The following MYO1C variants were observed in gnomAD, a reference collection of about 807,000 sequenced individuals.
MYO1C encodes myosin IC, also known as unconventional myosin-Ic.
A neutral mutation model predicts 150.8 loss-of-function variants in MYO1C; 104 were observed. The ratio of observed to expected loss-of-function variants is 0.69; its 90% confidence interval spans 0.59 to 0.81. The LOEUF is 0.81. Among genes scored for constraint, MYO1C ranks in the 30% least tolerant of loss-of-function variants. MYO1C has a pLI of 0.00. For synonymous variants in MYO1C, 663 were observed against 579.9 expected (o/e 1.14, Z -2.06); for missense variants, 1,504 against 1,435.0 (o/e 1.05, Z -0.78).
At chr17:1,490,469 T>A (rs2074716896) in intron 1 of MYO1C, among the ~76,000 whole-genome samples, 1 of 152,074 alleles carries the variant, frequency 6.6e-6, no homozygotes, top group Non-Finnish European at 1.5e-5. Flanking sequence ...CTGCATTCCA[T>A]CCTGGGCAAC....
chr17:1,481,138 GC>G (rs2074512015), intron 5 of MYO1C: 3 of 539,046 alleles, frequency 5.6e-6, no homozygotes, highest in Non-Finnish European at 1.0e-5. Flanking sequence ...AATTCAACAG[GC>G]CTGAAGCTCA....
chr17:1,467,571 C>A lies in MYO1C; in HGVS notation c.2974G>T (p.Val992Leu). 15 of 1,613,268 alleles carry A rather than the reference C, an allele frequency of 9.3e-6. No homozygotes were observed. The highest frequency in any genetic ancestry group is 1.3e-5 in the Non-Finnish European group (15 of 1,179,926). The part of the protein sequence containing the change: ...QRADNKQKGD[V>L]VLQSDHVIET... Reference sequence around the variant, plus strand: ...ATCACGTGGTCACTCTGCAGCACCACATCTCCCTGGGGGGCCAGGCAGGAG... The same window carrying A: ...ATCACGTGGTCACTCTGCAGCACCAAATCTCCCTGGGGGGCCAGGCAGGAG... Residue 992 changes from valine (V) to leucine (L), a missense_variant, in exon 30 of 32, where the codon GTG (valine) becomes TTG (leucine). Coordinates refer to ENST00000648651, the MANE Select transcript of MYO1C (RefSeq NM_001080779.2).
chr17:1,492,298 G>C, intron 1 of MYO1C, 115 bp downstream of exon 1: 1 of 1,043,054 alleles, frequency 9.6e-7, no homozygotes, highest in Non-Finnish European at 1.5e-6. Context: ...GCCCCGCCAA[G>C]GATCGGAACC....
At position 1,464,324 on chromosome 17, in the gene MYO1C, AAGG is replaced by A. The variant is rs2074129153; in HGVS notation, c.*1399_*1401del. Reference sequence around the variant, plus strand: ...GGGTAGGAGCAGGGAGAAGCAGCAGAAGGAGGTGATGCCCCTGCCGCTCCTCCC... The same window carrying A: ...GGGTAGGAGCAGGGAGAAGCAGCAGAAGGTGATGCCCCTGCCGCTCCTCCC... On this transcript the variant is annotated 3_prime_UTR_variant, in exon 32 of 32. Transcript: ENST00000648651. 1 of 152,572 alleles carries A rather than the reference AAGG, an allele frequency of 6.6e-6. No individual in the cohort carries two copies. The highest frequency in any genetic ancestry group is 2.4e-5 in the African/African-American group (1 of 41,450). The allele number at this position is 152,572 out of a possible 1,614,324, so 9.5% of individuals were successfully genotyped here.
At chr17:1,486,282 G>A (rs910871618) in intron 1 of MYO1C, 1 of 152,228 alleles carries the variant, frequency 6.6e-6, no homozygotes, top group Admixed American at 6.5e-5. Context: ...TCCGAGCCTC[G>A]AACCCAGGAA....
chr17:1,465,564 G>A lies in MYO1C; in HGVS notation c.*162C>T. The A allele has an allele frequency of 1.3e-6, 1 of 775,692 alleles. No homozygotes were observed. The highest frequency in any genetic ancestry group is 1.9e-6 in the Non-Finnish European group (1 of 538,862). The allele number at this position is 775,692 out of a possible 1,614,324, so 48.1% of individuals were successfully genotyped here. On this transcript the variant is annotated 3_prime_UTR_variant, in exon 32 of 32. Coordinates refer to ENST00000648651, the MANE Select transcript of MYO1C (RefSeq NM_001080779.2). ...ACTCCTGGGGTAGCTCCTGGCCCCT[G>A]CTGCTCCCTCAAGAGAGGGATGGGC...
Position 1,467,400 on chromosome 17 carries a change from G to T in MYO1C, c.3066-59C>A, listed in dbSNP as rs1007041269. The T allele has an allele frequency of 6.3e-6, 10 of 1,595,034 alleles. No individual in the cohort carries two copies. In the African/African-American group the frequency reaches 1.3e-4, roughly 21 times the overall value. ...GGAGGCAGACCCCCAACCCTAAGGT[G>T]GACCCCCACCCTGTCCCTGGGTGCC... is the stretch of plus-strand genomic sequence containing the variant. On this transcript the variant is annotated intron_variant, in intron 30 of 31. Coordinates refer to ENST00000648651, the MANE Select transcript of MYO1C (RefSeq NM_001080779.2).
In MYO1C at chr17:1,471,955, C is replaced by A. The variant is rs757375939; in HGVS notation, c.1973G>T (p.Arg658Leu). 2 of 1,614,104 alleles carry A rather than the reference C, an allele frequency of 1.2e-6. No homozygotes were observed. Among genetic ancestry groups the A allele is most frequent in the African/African-American group, 1.3e-5 (1 of 75,066 alleles). ...GCGGCGATAGGCAAAGCCGGCTCTG[C>A]GCACGCGCAGGTTTTCCAACAGCCC... ...YLGLLENLRVRRAGFAYRRKY... is the reference protein window; with the variant it reads ...YLGLLENLRVLRAGFAYRRKY... The change falls in exon 19 of 32, where the codon CGC (arginine) becomes CTC (leucine). Residue 658 changes from arginine to leucine, a missense_variant. By Grantham distance (102) the Arg-to-Leu change is moderately radical. Coordinates refer to ENST00000648651, the MANE Select transcript of MYO1C (RefSeq NM_001080779.2).
At chr17:1,466,564 G>A (rs998102075) in intron 31 of MYO1C, among the ~76,000 whole-genome samples, 1 of 151,778 alleles carries the variant, frequency 6.6e-6, no homozygotes, top group Non-Finnish European at 1.5e-5. Context: ...CCAACCTCAG[G>A]TGATCCACTT....
At chr17:1,466,029 C>T (rs1010822585) in intron 31 of MYO1C, among the ~76,000 whole-genome samples, 8 of 152,070 alleles carry the variant, frequency 5.3e-5, no homozygotes, top group African/African-American at 1.9e-4. Context: ...GGTCTCCATC[C>T]TGGAGACTCA....
In MYO1C at chr17:1,479,584, C is replaced by G. The variant is rs1598338251; in HGVS notation, c.1020+8G>C. On this transcript the variant is annotated splice_region_variant and intron_variant, in intron 8 of 31. Transcript: ENST00000648651. The surrounding 1 kb of genome is among the most constrained non-coding windows in gnomAD (Gnocchi z 4.2). ...GTCCTCCCGTCGCCCTCTGCCCGCCCCACTCACCCTGGTCAGATACTTGAG... is the reference window on the plus strand; with the variant it reads ...GTCCTCCCGTCGCCCTCTGCCCGCCGCACTCACCCTGGTCAGATACTTGAG... 1.9e-6 allele frequency: 3 copies of G among 1,607,318 alleles called. No individual in the cohort carries two copies. The highest frequency in any genetic ancestry group is 2.6e-6 in the Non-Finnish European group (3 of 1,176,108).
Position 1,488,930 on chromosome 17 carries a change from C to T in MYO1C, c.75+3483G>A, listed in dbSNP as rs144513546. Among the ~76,000 whole-genome samples the T allele has an allele frequency of 5.1e-3, 778 of 152,320 alleles. 16 individuals are homozygous for T. Among genetic ancestry groups the T allele is most frequent in the African/African-American group, 0.018 (743 of 41,566 alleles). On this transcript the variant is annotated intron_variant, in intron 1 of 31. Coordinates refer to ENST00000648651, the MANE Select transcript of MYO1C (RefSeq NM_001080779.2). ...TGGGCTATCTAGTGCCCTTCAGCTCCTATAGGCCAGGTGCCTACAAGCCTG... is the reference window on the plus strand; with the variant it reads ...TGGGCTATCTAGTGCCCTTCAGCTCTTATAGGCCAGGTGCCTACAAGCCTG...
intron 31 of MYO1C, among the ~76,000 whole-genome samples, chr17:1,466,214 A>C (rs1472154127): frequency 7.8e-6 from 1 of 128,822 alleles, no homozygotes; most frequent in Non-Finnish European, 1.6e-5. Context: ...GCTGGAGTGC[A>C]GTGGTGAGAT....
chr17:1,486,436 G>A (rs1306580054), intron 1 of MYO1C, among the ~76,000 whole-genome samples: 1 of 152,014 alleles, frequency 6.6e-6, no homozygotes, highest in Non-Finnish European at 1.5e-5. Context: ...CCCCGCCCAC[G>A]GCATTTGGGG....
intron 1 of MYO1C, chr17:1,485,858 C>G (rs1221064996): frequency 3.2e-6 from 1 of 308,828 alleles, no homozygotes; most frequent in African/African-American, 2.3e-5. Context: ...CCCGGCCTCC[C>G]CCGCCTCCCG....
intron 24 of MYO1C, 134 bp downstream of exon 24, chr17:1,470,041 C>A (rs2074267185): frequency 1.0e-6 from 1 of 955,460 alleles, no homozygotes; most frequent in Admixed American, 3.0e-5. Flanking sequence ...AAAAAAGAGA[C>A]CTTACTTTTC....
chr17:1,467,601 G>A (rs969301412), intron 29 of MYO1C, 24 bp from the exon 30 acceptor site: 2 of 1,607,494 alleles, frequency 1.2e-6, no homozygotes, highest in East Asian at 2.2e-5. Flanking sequence ...CAGGAGGAGG[G>A]GTCAGGCCCT....
intron 14 of MYO1C, among the ~76,000 whole-genome samples, chr17:1,476,908 G>T (rs1413042393): frequency 6.6e-6 from 1 of 151,168 alleles, no homozygotes; most frequent in African/African-American, 2.4e-5. Flanking sequence ...GTGCGATCTC[G>T]GCTCACTGCA....
intron 1 of MYO1C, among the ~76,000 whole-genome samples, chr17:1,488,421 T>TTCC (rs2074692958): frequency 6.6e-6 from 1 of 152,034 alleles, no homozygotes; most frequent in Non-Finnish European, 1.5e-5. Context: ...GGAACCTGGG[T>TTCC]GGGAAAGACG....
Sources: gnomAD v4.1 joint callset for allele counts (sites outside exome capture counted in the v4.1 genomes callset) on GRCh38, gnomAD v4.1.1 for gene constraint, Gnocchi (gnomAD v3.1) non-coding constraint, MANE v1.5 for transcripts, NCBI Gene and HGNC (gene_info 2026-07-23, HGNC 2026-07-21) for gene names.